Variants in PCDHGB4 observed in about 807,000 individuals in gnomAD.
The protein encoded by PCDHGB4 is protocadherin gamma subfamily B, 4.
Under a neutral mutation model 60.5 loss-of-function variants are expected in PCDHGB4, and 38 were observed. That is an observed-to-expected ratio of 0.63 (90% CI 0.48 to 0.82). The LOEUF is 0.82. Among genes scored for constraint, PCDHGB4 ranks in the 40% least tolerant of loss-of-function variants. The pLI, the probability that PCDHGB4 is intolerant of heterozygous loss-of-function variation, is 0.00. For synonymous variants in PCDHGB4, 456 were observed against 509.7 expected (o/e 0.89, Z 1.42); for missense variants, 1,109 against 1,209.6 (o/e 0.92, Z 1.23).
At chr5:141,428,333 T>A in intron 1 of PCDHGB4, 1 of 618,518 alleles carries the variant, frequency 1.6e-6, no homozygotes, top group Non-Finnish European at 2.9e-6. Context: ...ATTTCTATGC[T>A]CTTCTTCCTC....
intron 1 of PCDHGB4, among the ~76,000 whole-genome samples, chr5:141,458,248 G>A (rs173682): frequency 3.3e-5 from 5 of 152,112 alleles, no homozygotes; most frequent in African/African-American, 9.7e-5. Flanking sequence ...AAAATGATAC[G>A]GCTCTGATGA....
Position 141,477,143 on chromosome 5 carries a change from G to A in PCDHGB4, c.2398-17664G>A. Reference sequence around the variant, plus strand: ...ACATTGCAAAGTGTTGGTGGAGGTTGTGGATGTGAATGACAACGCCCCGGA... The same window carrying A: ...ACATTGCAAAGTGTTGGTGGAGGTTATGGATGTGAATGACAACGCCCCGGA... On this transcript the variant is annotated intron_variant, in intron 1 of 3. Transcript: ENST00000519479. This position sits in a 1 kb window ranked among gnomAD's most constrained non-coding sequence, Gnocchi z 4.9. 6.2e-7 allele frequency: 1 copy of A among 1,614,198 alleles called. No individual in the cohort carries two copies. Among genetic ancestry groups the A allele is most frequent in the Non-Finnish European group, 8.5e-7 (1 of 1,180,036 alleles).
At chr5:141,464,604 G>A (rs1445968596) in intron 1 of PCDHGB4, among the ~76,000 whole-genome samples, 1 of 152,106 alleles carries the variant, frequency 6.6e-6, no homozygotes, top group East Asian at 1.9e-4. Context: ...AGTCTCCTTT[G>A]CAGAGTATAT....
chr5:141,389,851 CCA>C lies in PCDHGB4; in HGVS notation c.1969_1970del (p.Thr657ValfsTer18), dbSNP rs2091943018. 6.2e-7 allele frequency: 1 copy of C among 1,613,936 alleles called. No homozygotes were observed. The highest frequency in any genetic ancestry group is 8.5e-7 in the Non-Finnish European group (1 of 1,179,906). On this transcript the variant is annotated frameshift_variant, in exon 1 of 4. Coordinates refer to ENST00000519479, the MANE Select transcript of PCDHGB4 (RefSeq NM_003736.4). LOFTEE classifies it high-confidence loss of function. ...GGACAGCCACCACTCTCGGCCACTG[CCA>C]CGTTGCACCTGGTCTTCGCCGACAG...
intron 1 of PCDHGB4, chr5:141,421,308 C>T: frequency 6.2e-7 from 1 of 1,613,678 alleles, no homozygotes; most frequent in Non-Finnish European, 8.5e-7. Flanking sequence ...TGCGGGGGTT[C>T]CGGGCCAGGC....
chr5:141,505,443 C>A lies in PCDHGB4; in HGVS notation c.2507C>A (p.Thr836Lys). ...TGTWPNNQFD[T>K]EMLQAMILAS... ...ACCTGGCCCAACAACCAGTTTGACA[C>A]AGAGATGCTGCAAGCCATGATCTTG... Residue 836 changes from threonine to lysine, a missense_variant, in exon 3 of 4, where the codon ACA becomes AAA. Physicochemically the swap from Thr to Lys is moderately conservative, Grantham distance 78. Transcript: ENST00000519479. 2 of 1,614,224 alleles carry A rather than the reference C, an allele frequency of 1.2e-6. No homozygotes were observed. Among genetic ancestry groups the A allele is most frequent in the Non-Finnish European group, 8.5e-7 (1 of 1,180,042 alleles).
Position 141,486,146 on chromosome 5 carries a change from G to A in PCDHGB4, c.2398-8661G>A, listed in dbSNP as rs533158692. The A allele has an allele frequency of 3.1e-6, 5 of 1,614,184 alleles. No homozygotes were observed. The highest frequency in any genetic ancestry group is 2.2e-5 in the East Asian group (1 of 44,876). The stretch of plus-strand genomic sequence containing the variant: ...TGAATTTGATGTGCGGGCTCGCGAT[G>A]GGGGTTCTCCAGCCATGGAGCAACA... On this transcript the variant is annotated intron_variant, in intron 1 of 3. Transcript: ENST00000519479. The surrounding 1 kb of genome is among the most constrained non-coding windows in gnomAD (Gnocchi z 5.0).
chr5:141,436,383 G>A (rs1374382672), intron 1 of PCDHGB4, among the ~76,000 whole-genome samples: 1 of 152,104 alleles, frequency 6.6e-6, no homozygotes, highest in Admixed American at 6.5e-5. Flanking sequence ...AGCTGAATAG[G>A]CTTTATTAAA....
chr5:141,423,382 C>G, intron 1 of PCDHGB4: 1 of 1,614,118 alleles, frequency 6.2e-7, no homozygotes, highest in Non-Finnish European at 8.5e-7. Flanking sequence ...CAGGCTGTGG[C>G]GCTGGCATAA....
intron 1 of PCDHGB4, chr5:141,423,728 T>C (rs1312071121): frequency 9.4e-6 from 10 of 1,067,510 alleles, no homozygotes; most frequent in Non-Finnish European, 1.1e-5. Context: ...AGATGTTTTT[T>C]GAGCCTGTTA....
At chr5:141,427,006 G>C (rs1288837425) in intron 1 of PCDHGB4, 3 of 456,792 alleles carry the variant, frequency 6.6e-6, no homozygotes, top group South Asian at 3.1e-5. Flanking sequence ...CCAGTTTTTA[G>C]CCAGGATGTA....
chr5:141,491,571 C>G lies in PCDHGB4; in HGVS notation c.2398-3236C>G. The G allele has an allele frequency of 6.2e-7, 1 of 1,614,026 alleles. No individual in the cohort carries two copies. The highest frequency in any genetic ancestry group is 8.5e-7 in the Non-Finnish European group (1 of 1,180,042). ...CGCAGAGCCACTGCTACAGGACGTG[C>G]TTTTCACCGGCCTCGGACGGCAGTG... On this transcript the variant is annotated intron_variant, in intron 1 of 3. Transcript: ENST00000519479. This position sits in a 1 kb window ranked among gnomAD's most constrained non-coding sequence, Gnocchi z 6.9.
intron 1 of PCDHGB4, among the ~76,000 whole-genome samples, chr5:141,455,322 G>A (rs376682363): frequency 1.3e-5 from 2 of 152,134 alleles, no homozygotes; most frequent in East Asian, 3.9e-4. Context: ...TTTTGTGTGT[G>A]TGTTTGTGGT....
intron 1 of PCDHGB4, among the ~76,000 whole-genome samples, chr5:141,453,850 CT>C (rs1465668273): frequency 1.3e-5 from 2 of 152,148 alleles, no homozygotes; most frequent in Non-Finnish European, 2.9e-5. Context: ...CCACAGAGCA[CT>C]TTGAAAATAA....
rs1347087103 is a variant in PCDHGB4 at position 141,409,851 on chromosome 5, T to C, written c.2397+19570T>C. 4 of 1,612,112 alleles carry C rather than the reference T, an allele frequency of 2.5e-6. No homozygotes were observed. In the Admixed American group the frequency reaches 6.7e-5, roughly 27 times the overall value. On this transcript the variant is annotated intron_variant, in intron 1 of 3. Transcript: ENST00000519479. ...CTCAGCGCCAACGTGAGCCTGCGCG[T>C]GTTGGTGGGAGACCGCAATGACAAC...
In PCDHGB4 at chr5:141,388,480, C is replaced by T. The variant is rs751470350; in HGVS notation, c.596C>T (p.Pro199Leu). 3 of 1,613,758 alleles carry T rather than the reference C, an allele frequency of 1.9e-6. No homozygotes were observed. Among genetic ancestry groups the T allele is most frequent in the Non-Finnish European group, 2.5e-6 (3 of 1,179,866 alleles). ...TACCCTGAGATGGTATTGAAGACAC[C>T]TTTGGACAGAGAAAAGCAGAAATCC... Reference protein sequence around the residue: ...SKYPEMVLKTPLDREKQKSYH... With the variant: ...SKYPEMVLKTLLDREKQKSYH... Residue 199 changes from proline to leucine, a missense_variant, in exon 1 of 4, where the codon CCT (proline) becomes CTT (leucine). This residue lies in a region of PCDHGB4 where 1,068 missense variants were observed against 1,089.9 expected (regional missense o/e 0.98). Transcript: ENST00000519479.
intron 1 of PCDHGB4, chr5:141,413,604 C>T: frequency 5.6e-6 from 9 of 1,613,818 alleles, no homozygotes; most frequent in Non-Finnish European, 7.6e-6. Flanking sequence ...AAAATCTAGA[C>T]GTAAAAATTA....
intron 1 of PCDHGB4, among the ~76,000 whole-genome samples, chr5:141,454,239 A>T (rs1221886368): frequency 6.6e-6 from 1 of 152,200 alleles, no homozygotes; most frequent in Non-Finnish European, 1.5e-5. Context: ...GATGAAAAGG[A>T]TGAAGATGTC....
At chr5:141,404,568 G>A (rs2094540345) in intron 1 of PCDHGB4, 1 of 1,613,868 alleles carries the variant, frequency 6.2e-7, no homozygotes, top group Non-Finnish European at 8.5e-7. Flanking sequence ...GACAGTGGAA[G>A]CCCACCACTT....
Sources: gnomAD v4.1 joint callset for allele counts (sites outside exome capture counted in the v4.1 genomes callset) on GRCh38, gnomAD v4.1.1 for gene constraint, gnomAD v4.1.1 regional missense constraint, Gnocchi (gnomAD v3.1) non-coding constraint, MANE v1.5 for transcripts, NCBI Gene and HGNC (gene_info 2026-07-23, HGNC 2026-07-21) for gene names.